Variants in CDH20 observed in about 807,000 individuals in gnomAD.
CDH20 encodes the protein cadherin 20, also known as cadherin-20.
Under a neutral mutation model 74.2 loss-of-function variants are expected in CDH20, and 29 were observed. The ratio of observed to expected loss-of-function variants is 0.39; its 90% CI spans 0.29 to 0.53. The LOEUF is 0.53. Among genes scored for constraint, CDH20 ranks in the 20% least tolerant of loss-of-function variants. The pLI, the probability that CDH20 is intolerant of heterozygous loss-of-function variation, is 0.69. For synonymous variants in CDH20, 469 were observed against 405.4 expected (o/e 1.16, Z -1.88); for missense variants, 988 against 1,048.3 (o/e 0.94, Z 0.79).
At chr18:61,539,685 T>C (rs1912957749) in intron 9 of CDH20, among the ~76,000 whole-genome samples, 1 of 152,144 alleles carries the variant, frequency 6.6e-6, no homozygotes, top group African/African-American at 2.4e-5. Context: ...CCTCAAAATA[T>C]CTTGCAGTAG....
chr18:61,411,945 A>G (rs1456179520), intron 1 of CDH20, among the ~76,000 whole-genome samples: 5 of 152,252 alleles, frequency 3.3e-5, no homozygotes, highest in African/African-American at 9.6e-5. Context: ...ACGAATCACC[A>G]CTAAAGAACT....
At chr18:61,427,199 C>T (rs557477489) in intron 1 of CDH20, among the ~76,000 whole-genome samples, 3 of 152,114 alleles carry the variant, frequency 2.0e-5, no homozygotes, top group Non-Finnish European at 4.4e-5. Flanking sequence ...TAATTAATAA[C>T]ATTACATACA....
At chr18:61,397,645 G>A (rs1307872916) in intron 1 of CDH20, among the ~76,000 whole-genome samples, 1 of 152,072 alleles carries the variant, frequency 6.6e-6, no homozygotes. Context: ...TAAATTCCAG[G>A]AGAACAGAGA....
At chr18:61,452,632 T>C (rs974868692) in intron 1 of CDH20, among the ~76,000 whole-genome samples, 13 of 152,190 alleles carry the variant, frequency 8.5e-5, no homozygotes, top group African/African-American at 3.1e-4. Context: ...AATATGTTTT[T>C]TATACCGTAT....
intron 1 of CDH20, among the ~76,000 whole-genome samples, chr18:61,379,796 A>G (rs1911372625): frequency 6.6e-6 from 1 of 152,168 alleles, no homozygotes; most frequent in Non-Finnish European, 1.5e-5. Context: ...TTTCACATAC[A>G]TGAGATAACT....
intron 7 of CDH20, among the ~76,000 whole-genome samples, chr18:61,533,431 T>C (rs942229313): frequency 6.6e-6 from 1 of 152,248 alleles, no homozygotes; most frequent in Non-Finnish European, 1.5e-5. Context: ...AAGTACATAG[T>C]AAAGTGCCTG....
intron 1 of CDH20, among the ~76,000 whole-genome samples, chr18:61,387,195 G>A (rs1911627112): frequency 6.6e-6 from 1 of 152,130 alleles, no homozygotes; most frequent in African/African-American, 2.4e-5. Context: ...GTGAACTAAT[G>A]CCAATGACCA....
At position 61,545,154 on chromosome 18, in the gene CDH20, T is replaced by C. The variant is rs762188273; in HGVS notation, c.1648+10T>C. 1.3e-6 allele frequency: 2 copies of C among 1,551,738 alleles called. No individual in the cohort carries two copies. Among genetic ancestry groups the C allele is most frequent in the South Asian group, 2.2e-5 (2 of 89,818 alleles). ...ATAAGGGACAACCAAGGTAATCAGG[T>C]GGATGGTTGGCTATCTGTGCTTTTC... On this transcript the variant is annotated intron_variant, in intron 10 of 11. Transcript: ENST00000262717.
intron 1 of CDH20, among the ~76,000 whole-genome samples, chr18:61,379,643 A>G (rs143756735): frequency 8.1e-4 from 123 of 152,286 alleles, no homozygotes; most frequent in African/African-American, 2.9e-3. Context: ...AGTGGGCATT[A>G]TGTAGCTAAG....
intron 1 of CDH20, among the ~76,000 whole-genome samples, chr18:61,358,277 G>A (rs1304608643): frequency 6.6e-6 from 1 of 151,304 alleles, no homozygotes; most frequent in South Asian, 2.1e-4. Flanking sequence ...ACCACACCCA[G>A]CTAATTTTTG....
intron 1 of CDH20, among the ~76,000 whole-genome samples, chr18:61,440,998 C>T (rs556603468): frequency 6.6e-6 from 1 of 152,262 alleles, no homozygotes; most frequent in South Asian, 2.1e-4. Flanking sequence ...ATCAATCTAA[C>T]AAGTCTCAAA....
chr18:61,511,454 G>A (rs369606060), intron 6 of CDH20, among the ~76,000 whole-genome samples: 5 of 152,080 alleles, frequency 3.3e-5, no homozygotes, highest in Non-Finnish European at 7.4e-5. Context: ...AAAGGGCTAG[G>A]ATTACAGGCA....
In CDH20 at chr18:61,528,188, C is replaced by A; in HGVS notation, c.1239C>A (p.Ala413=). 1.2e-6 allele frequency: 2 copies of A among 1,614,104 alleles called. No homozygotes were observed. The highest frequency in any genetic ancestry group is 1.1e-5 in the South Asian group (1 of 91,082). ...AIGTTIQIIS[A]KDPDVTNNSI... The stretch of plus-strand genomic sequence containing the variant: ...GAACAACCATACAGATCATTTCTGC[C>A]AAGGACCCAGATGTGACCAACAACT... The change falls in exon 7 of 12, where the codon GCC becomes GCA. Residue 413 remains alanine, a synonymous_variant. Transcript: ENST00000262717.
At chr18:61,335,834 G>A (rs1317971351) in intron 1 of CDH20, among the ~76,000 whole-genome samples, 1 of 152,222 alleles carries the variant, frequency 6.6e-6, no homozygotes, top group Non-Finnish European at 1.5e-5. Flanking sequence ...GTGCCATGTG[G>A]CAGTATAAAA....
chr18:61,447,961 T>C (rs1187701388), intron 1 of CDH20, among the ~76,000 whole-genome samples: 1 of 152,228 alleles, frequency 6.6e-6, no homozygotes, highest in African/African-American at 2.4e-5. Context: ...AGTCCTCTGG[T>C]ACTCTTAACC....
chr18:61,509,452 G>A (rs958336321), intron 6 of CDH20, among the ~76,000 whole-genome samples: 1 of 152,136 alleles, frequency 6.6e-6, no homozygotes, highest in African/African-American at 2.4e-5. Flanking sequence ...GACAGCCAGT[G>A]CAAAGGCTTT....
intron 1 of CDH20, among the ~76,000 whole-genome samples, chr18:61,348,902 TA>T (rs1309146800): frequency 1.3e-5 from 2 of 152,166 alleles, no homozygotes; most frequent in East Asian, 3.9e-4. Flanking sequence ...TGTGGGGCAG[TA>T]AAGCAGGATT....
intron 1 of CDH20, among the ~76,000 whole-genome samples, chr18:61,349,600 A>G (rs916414555): frequency 8.5e-5 from 13 of 152,156 alleles, no homozygotes; most frequent in Non-Finnish European, 1.6e-4. Context: ...TTATTTTTCC[A>G]TGGATATCTA....
chr18:61,532,781 T>C (rs1912692414), intron 7 of CDH20, among the ~76,000 whole-genome samples: 1 of 152,206 alleles, frequency 6.6e-6, no homozygotes, highest in Non-Finnish European at 1.5e-5. Flanking sequence ...TCTCCGTCTC[T>C]ACAACGTTAA....
Sources: allele counts gnomAD v4.1 joint callset (sites outside exome capture counted in the v4.1 genomes callset), GRCh38; gene constraint gnomAD v4.1.1; transcripts MANE v1.5; gene names NCBI Gene and HGNC (gene_info 2026-07-23, HGNC 2026-07-21).